PIK3R1: variants seen among roughly 807,000 people sequenced by gnomAD.
PIK3R1 encodes the protein phosphoinositide-3-kinase regulatory subunit 1.
In PIK3R1, 29 loss-of-function variants were observed where a neutral mutation model predicts 98.0. The ratio of observed to expected loss-of-function variants is 0.30; its 90% CI spans 0.22 to 0.40. The LOEUF (loss-of-function observed/expected upper bound fraction) is 0.40. Ranked by LOEUF, PIK3R1 falls within the 10% of genes least tolerant of loss-of-function variation. The pLI, the probability that PIK3R1 is intolerant of heterozygous loss-of-function variation, is 1.00. For synonymous variants in PIK3R1, 282 were observed against 311.8 expected (o/e 0.90, Z 1.01); for missense variants, 596 against 872.7 (o/e 0.68, Z 3.99).
intron 4 of PIK3R1, among the ~76,000 whole-genome samples, chr5:68,277,457 T>G (rs1746625236): frequency 2.0e-5 from 3 of 152,224 alleles, no homozygotes; most frequent in Admixed American, 2.0e-4. Flanking sequence ...ATAATTCTTT[T>G]CCTCAAGTTG....
chr5:68,235,576 TAC>T (rs1744635710), intron 2 of PIK3R1, among the ~76,000 whole-genome samples: 1 of 152,186 alleles, frequency 6.6e-6, no homozygotes, highest in Non-Finnish European at 1.5e-5. Flanking sequence ...CAAAGCATTT[TAC>T]ACATTGTTAA....
intron 2 of PIK3R1, among the ~76,000 whole-genome samples, chr5:68,244,716 G>A (rs1370735092): frequency 6.6e-6 from 1 of 151,802 alleles, no homozygotes; most frequent in African/African-American, 2.4e-5. Context: ...CCTTCGTTTT[G>A]GAATGATAGT....
chr5:68,283,338 A>C (rs1358260968), intron 7 of PIK3R1, among the ~76,000 whole-genome samples: 1 of 152,348 alleles, frequency 6.6e-6, no homozygotes, highest in African/African-American at 2.4e-5. Flanking sequence ...GAGGCAAAGT[A>C]TCAGTTCAAA....
In PIK3R1 at chr5:68,297,734, G is replaced by A. The variant is rs1005425464; in HGVS notation, c.*133G>A. On this transcript the variant is annotated 3_prime_UTR_variant, in exon 16 of 16. Coordinates refer to ENST00000521381, the MANE Select transcript of PIK3R1 (RefSeq NM_181523.3). ...CCATCTTTCTTTGGATGGGACTAGA[G>A]CTTTCTTTCACAAAAAAGAAGTAGG... is the stretch of plus-strand genomic sequence containing the variant. 5.6e-6 allele frequency: 4 copies of A among 717,334 alleles called. No homozygotes were observed. The highest frequency in any genetic ancestry group is 9.3e-6 in the Non-Finnish European group (4 of 429,392). 44.4% of individuals were successfully genotyped at this position (717,334 alleles called of 1,614,324 possible).
chr5:68,246,455 G>C (rs1268594048), intron 2 of PIK3R1, among the ~76,000 whole-genome samples: 2 of 151,850 alleles, frequency 1.3e-5, no homozygotes, highest in African/African-American at 4.8e-5. Context: ...TGAGATTACC[G>C]GTGCCCGCCA....
intron 2 of PIK3R1, among the ~76,000 whole-genome samples, chr5:68,258,319 T>G (rs1438612562): frequency 2.0e-5 from 3 of 152,198 alleles, no homozygotes; most frequent in Non-Finnish European, 4.4e-5. Context: ...AAACTGCATG[T>G]TCTGGAAAAA....
intron 2 of PIK3R1, among the ~76,000 whole-genome samples, chr5:68,256,476 C>T (rs151272040): frequency 0.048 from 7,256 of 152,206 alleles, 325 homozygotes; most frequent in East Asian, 0.18. Context: ...GTGATCCGCC[C>T]GCCTCGGCCT....
intron 7 of PIK3R1, chr5:68,288,520 A>T (rs1222304008): frequency 7.4e-7 from 1 of 1,358,064 alleles, no homozygotes; most frequent in Non-Finnish European, 9.4e-7. Flanking sequence ...GGACGAGCCG[A>T]GCCGAGCCAA....
In PIK3R1 at chr5:68,273,956, C is replaced by T. The variant is rs767073354; in HGVS notation, c.445C>T (p.Leu149=). ...TGTCCTAGGTCTGGAATGTTCAACT[C>T]TATACAGAACACAGAGCTCCAGCAA... ...IEKKGLECST[L]YRTQSSSNLA... The change falls in exon 4 of 16, where the codon CTA becomes TTA. Residue 149 remains leucine, a synonymous_variant. Transcript: ENST00000521381. 6 of 1,613,686 alleles carry T rather than the reference C, an allele frequency of 3.7e-6. No homozygotes were observed. Among genetic ancestry groups the T allele is most frequent in the Non-Finnish European group, 5.1e-6 (6 of 1,179,730 alleles).
intron 1 of PIK3R1, among the ~76,000 whole-genome samples, chr5:68,225,366 A>G (rs907913673): frequency 2.0e-5 from 3 of 151,964 alleles, no homozygotes; most frequent in African/African-American, 7.3e-5. Context: ...CCAGGGTTTC[A>G]TCAGCCACTA....
intron 2 of PIK3R1, among the ~76,000 whole-genome samples, chr5:68,246,311 A>ATT (rs1481387405): frequency 1.9e-4 from 23 of 120,350 alleles, no homozygotes; most frequent in Admixed American, 7.2e-4. Context: ...CTTGGTGTGT[A>ATT]TATTTTTTTT....
chr5:68,275,520 T>TAA (rs58065578), intron 4 of PIK3R1, among the ~76,000 whole-genome samples: 1,470 of 143,166 alleles, frequency 0.01, 13 homozygotes, highest in Middle Eastern at 0.014. Context: ...TTTAGTTATT[T>TAA]AAAAAAAAAA....
intron 2 of PIK3R1, among the ~76,000 whole-genome samples, chr5:68,265,910 G>A (rs925506520): frequency 6.6e-6 from 1 of 152,176 alleles, no homozygotes; most frequent in Non-Finnish European, 1.5e-5. Context: ...ACTCTCTATA[G>A]TTATTTAAAA....
chr5:68,263,995 G>T (rs550071083), intron 2 of PIK3R1, among the ~76,000 whole-genome samples: 32 of 152,104 alleles, frequency 2.1e-4, no homozygotes, highest in Middle Eastern at 3.4e-3. Flanking sequence ...TGATTTGAAG[G>T]GCCCTCTGTC....
rs568983552 is a variant in PIK3R1, at chr5:68,288,500, T to A, written c.917-3759T>A. The A allele has an allele frequency of 1.3e-4, 176 of 1,311,784 alleles. 2 individuals carry two copies. In the South Asian group the frequency reaches 3.5e-3, roughly 26 times the overall value. The allele number at this position is 1,311,784 out of a possible 1,614,324, so 81.3% of individuals were successfully genotyped here. A position where few individuals can be genotyped will look rare whatever the true frequency, so the allele number is the denominator to read the frequency against. On this transcript the variant is annotated intron_variant, in intron 7 of 15. Coordinates refer to ENST00000521381, the MANE Select transcript of PIK3R1 (RefSeq NM_181523.3). ...CCCGGACGCACTGCCGGGCGGGGCG[T>A]GGGGCGGAGGGACGAGCCGAGCCGA...
In PIK3R1 at chr5:68,297,719, T is replaced by C; in HGVS notation, c.*118T>C. ...GCTGCAGAAACGAAGCCATCTTTCT[T>C]TGGATGGGACTAGAGCTTTCTTTCA... is the stretch of plus-strand genomic sequence containing the variant. On this transcript the variant is annotated 3_prime_UTR_variant, in exon 16 of 16. Transcript: ENST00000521381. The C allele has an allele frequency of 2.4e-6, 2 of 817,988 alleles. No individual in the cohort carries two copies. Among genetic ancestry groups the C allele is most frequent in the Non-Finnish European group, 3.9e-6 (2 of 507,484 alleles). 50.7% of individuals were successfully genotyped at this position (817,988 alleles called of 1,614,324 possible).
rs773686816 is a variant in PIK3R1, at chr5:68,295,271, C to T, written c.1692C>T (p.Asn564=). ...ATCGAGAAATTGACAAACGTATGAA[C>T]AGCATTAAACCAGACCTTATCCAGC... ...AEYREIDKRM[N]SIKPDLIQLR... is the part of the protein sequence containing the mutation. The change falls in exon 13 of 16, where the codon AAC becomes AAT. Residue 564 remains asparagine (N), a synonymous_variant. Transcript: ENST00000521381. The T allele has an allele frequency of 6.2e-7, 1 of 1,614,068 alleles. No individual in the cohort carries two copies. The highest frequency in any genetic ancestry group is 1.1e-5 in the South Asian group (1 of 91,078).
intron 2 of PIK3R1, among the ~76,000 whole-genome samples, chr5:68,266,215 C>G (rs925009126): frequency 6.6e-6 from 1 of 152,224 alleles, no homozygotes; most frequent in African/African-American, 2.4e-5. Flanking sequence ...GACATCGCAG[C>G]TTCTCAAGTT....
intron 8 of PIK3R1, 27 bp downstream of exon 8, chr5:68,292,388 G>C: frequency 6.5e-7 from 1 of 1,549,276 alleles, no homozygotes; most frequent in South Asian, 1.1e-5. Context: ...TTCATTTTCA[G>C]AGAGTTTTAG....
Sources: gnomAD v4.1 joint callset for allele counts (sites outside exome capture counted in the v4.1 genomes callset) on GRCh38, gnomAD v4.1.1 for gene constraint, MANE v1.5 for transcripts, NCBI Gene and HGNC (gene_info 2026-07-23, HGNC 2026-07-21) for gene names.